RTL4: variants seen among roughly 807,000 people sequenced by gnomAD.
RTL4 encodes retrotransposon Gag-like protein 4.
A neutral mutation model predicts 5.3 loss-of-function variants in RTL4; 4 were observed. That is an observed-to-expected ratio of 0.75 (90% CI 0.37 to 1.72). The LOEUF (loss-of-function observed/expected upper bound fraction) is 1.72, where lower values mean the gene tolerates loss of function less well. Ranked by LOEUF, RTL4 falls within the 40% of genes most tolerant of loss-of-function variation. RTL4 has a pLI of 0.04. For synonymous variants in RTL4, 98 were observed against 87.3 expected (o/e 1.12, Z -0.68); for missense variants, 260 against 227.1 (o/e 1.14, Z -0.93).
chrX:112,390,749 T>C, the RTL4 span, among the ~76,000 whole-genome samples: 5 of 111,365 alleles, frequency 4.5e-5, no homozygotes, highest in Non-Finnish European at 9.4e-5. Context: ...GCCTTTAACA[T>C]TTTTTCTTTC....
chrX:112,291,363 TTTGTACACACACAC>T, the RTL4 span, among the ~76,000 whole-genome samples: 1 of 89,488 alleles, frequency 1.1e-5, no homozygotes, highest in African/African-American at 4.7e-5. Context: ...TATATGTATG[TTTGTACACACACAC>T]ACACACACAC....
chrX:112,226,962 A>AAAAT, the RTL4 span, among the ~76,000 whole-genome samples: 5 of 62,627 alleles, frequency 8.0e-5, no homozygotes, highest in African/African-American at 2.6e-4. Flanking sequence ...AAAATAAAAT[A>AAAAT]AAATAAAATA....
chrX:112,330,229 T>G, the RTL4 span, among the ~76,000 whole-genome samples: 1 of 108,919 alleles, frequency 9.2e-6, no homozygotes, highest in African/African-American at 3.4e-5. Context: ...TGTCCCTGTT[T>G]GCAGATAACA....
chrX:112,353,311 G>A, the RTL4 span, among the ~76,000 whole-genome samples: 2 of 111,036 alleles, frequency 1.8e-5, no homozygotes, highest in South Asian at 3.8e-4. Context: ...AATACCGTTC[G>A]ACCCAGCCAT....
At chrX:112,422,441 G>A in the RTL4 span, among the ~76,000 whole-genome samples, 1 of 110,877 alleles carries the variant, frequency 9.0e-6, no homozygotes, top group African/African-American at 3.3e-5. Context: ...AGAGATAGCT[G>A]GCATCATAGA....
At chrX:112,392,224 G>T in the RTL4 span, among the ~76,000 whole-genome samples, 5 of 112,223 alleles carry the variant, frequency 4.5e-5, no homozygotes, top group African/African-American at 1.6e-4. Context: ...GCTGCTACTG[G>T]CTCCATAGCT....
the RTL4 span, among the ~76,000 whole-genome samples, chrX:112,172,170 CA>C: frequency 9.0e-6 from 1 of 111,368 alleles, no homozygotes; most frequent in Non-Finnish European, 1.9e-5. Flanking sequence ...ACTAAAAATG[CA>C]AAAATTAGCT....
At chrX:112,177,523 T>C in the RTL4 span, among the ~76,000 whole-genome samples, 1 of 99,190 alleles carries the variant, frequency 1.0e-5, no homozygotes, top group Non-Finnish European at 2.1e-5. Flanking sequence ...TTAGATTATT[T>C]GGGATTTTTT....
the RTL4 span, among the ~76,000 whole-genome samples, chrX:112,356,069 T>C: frequency 1.8e-5 from 2 of 111,644 alleles, no homozygotes; most frequent in Non-Finnish European, 3.8e-5. Context: ...GTTACCACAG[T>C]AGCCTTCTGA....
At chrX:112,244,981 T>C in the RTL4 span, among the ~76,000 whole-genome samples, 8 of 112,128 alleles carry the variant, frequency 7.1e-5, no homozygotes, top group African/African-American at 2.3e-4. Context: ...TATGAAATTC[T>C]GGATTGAAAA....
the RTL4 span, among the ~76,000 whole-genome samples, chrX:112,380,854 A>T: frequency 3.6e-5 from 4 of 111,931 alleles, no homozygotes; most frequent in Non-Finnish European, 7.5e-5. Context: ...TGATCTCTGC[A>T]GCCTGGGAGG....
chrX:112,197,078 C>A, the RTL4 span, among the ~76,000 whole-genome samples: 2 of 98,377 alleles, frequency 2.0e-5, no homozygotes, highest in Non-Finnish European at 2.0e-5. Context: ...CTAGTCAGGT[C>A]CTTTGCCCAT....
the RTL4 span, among the ~76,000 whole-genome samples, chrX:112,244,298 T>C: frequency 8.9e-6 from 1 of 111,779 alleles, no homozygotes; most frequent in East Asian, 2.8e-4. Context: ...CTGTGGGGTG[T>C]TAAAGTCTCC....
chrX:112,155,763 AT>A, the RTL4 span, among the ~76,000 whole-genome samples: 1 of 111,472 alleles, frequency 9.0e-6, no homozygotes, highest in African/African-American at 3.3e-5. Flanking sequence ...GGAAAAATTG[AT>A]TTTGCCATTT....
the RTL4 span, among the ~76,000 whole-genome samples, chrX:112,440,833 T>C: frequency 8.9e-6 from 1 of 112,102 alleles, no homozygotes; most frequent in Non-Finnish European, 1.9e-5. Context: ...ATTCACTGAT[T>C]GTTGCTTTGC....
the RTL4 span, among the ~76,000 whole-genome samples, chrX:112,158,649 A>G: frequency 9.0e-6 from 1 of 111,299 alleles, no homozygotes; most frequent in East Asian, 2.8e-4. Flanking sequence ...GCATGCCTCT[A>G]TAACATTTTC....
the RTL4 span, among the ~76,000 whole-genome samples, chrX:112,232,895 A>G: frequency 1.8e-5 from 2 of 110,943 alleles, no homozygotes; most frequent in African/African-American, 6.6e-5. Context: ...AGGTAAGGCC[A>G]AAAATCCTCA....
the RTL4 span, among the ~76,000 whole-genome samples, chrX:112,294,266 G>A: frequency 9.0e-6 from 1 of 111,578 alleles, no homozygotes; most frequent in Admixed American, 9.6e-5. Flanking sequence ...TGAGAATAGT[G>A]GATCAAATGT....
chrX:112,241,992 G>T, the RTL4 span, among the ~76,000 whole-genome samples: 1 of 111,772 alleles, frequency 8.9e-6, no homozygotes, highest in Non-Finnish European at 1.9e-5. Flanking sequence ...GTTTGTCAAA[G>T]ATCAGATGGT....
Sources: gnomAD v4.1 joint callset for allele counts (sites outside exome capture counted in the v4.1 genomes callset) on GRCh38, gnomAD v4.1.1 for gene constraint, MANE v1.5 for transcripts, NCBI Gene and HGNC (gene_info 2026-07-23, HGNC 2026-07-21) for gene names.